The following IL18R1 variants were observed in gnomAD, a reference collection of about 807,000 sequenced individuals.
IL18R1 encodes interleukin-18 receptor 1.
A neutral mutation model predicts 48.5 loss-of-function variants in IL18R1; 40 were observed. The observed-to-expected ratio is 0.82, with a 90% CI of 0.64 to 1.07. The LOEUF is 1.07. Among genes scored for constraint, IL18R1 ranks in the 50% least tolerant of loss-of-function variants. IL18R1 has a pLI of 0.00. For missense variants in IL18R1, 596 were observed against 633.7 expected (o/e 0.94, Z 0.64); for synonymous variants, 232 against 225.9 (o/e 1.03, Z -0.24).
intron 4 of IL18R1, among the ~76,000 whole-genome samples, chr2:102,375,326 A>T (rs3771164): frequency 0.21 from 32,323 of 151,912 alleles, 3,824 homozygotes; most frequent in African/African-American, 0.31. Context: ...AATGTGTGTG[A>T]GAGAGAGAGA....
chr2:102,361,652 C>T (rs1490204808), intron 1 of IL18R1, among the ~76,000 whole-genome samples: 1 of 152,182 alleles, frequency 6.6e-6, no homozygotes, highest in Non-Finnish European at 1.5e-5. Flanking sequence ...TTTTGCACAG[C>T]TTGTCAGGAC....
intron 6 of IL18R1, among the ~76,000 whole-genome samples, chr2:102,383,222 C>A (rs1447749977): frequency 1.3e-5 from 2 of 152,178 alleles, no homozygotes; most frequent in Non-Finnish European, 2.9e-5. Context: ...GTATATCTTG[C>A]TGAATGTTCC....
At position 102,384,868 on chromosome 2, in the gene IL18R1, C is replaced by A. The variant is rs1033531106; in HGVS notation, c.689-10C>A. On this transcript the variant is annotated splice_polypyrimidine_tract_variant and intron_variant, in intron 6 of 10. Transcript: ENST00000233957. ...CAAAAATCAGAACTTTAGTTGCCAA[C>A]TTTTACCAGGAAAAAACGTAAGGCT... 11 of 1,606,142 alleles carry A rather than the reference C, an allele frequency of 6.8e-6. No individual in the cohort carries two copies. The highest frequency in any genetic ancestry group is 8.5e-6 in the Non-Finnish European group (10 of 1,176,960).
intron 5 of IL18R1, among the ~76,000 whole-genome samples, chr2:102,381,391 G>T (rs568639285): frequency 5.1e-4 from 78 of 152,296 alleles, no homozygotes; most frequent in African/African-American, 1.9e-3. Flanking sequence ...ATCTTCCTCT[G>T]CCTTTTAGTT....
In IL18R1 at chr2:102,394,449, G is replaced by A; in HGVS notation, c.1112-20G>A. The A allele has an allele frequency of 6.3e-7, 1 of 1,578,472 alleles. No homozygotes were observed. The highest frequency in any genetic ancestry group is 1.1e-5 in the South Asian group (1 of 87,862). ...AATTTTATTTACACATGAATTAAAA[G>A]AGCCAATCTTACCTCCTAGATGGAA... On this transcript the variant is annotated intron_variant, in intron 9 of 10. Coordinates refer to ENST00000233957, the MANE Select transcript of IL18R1 (RefSeq NM_003855.5).
chr2:102,384,786 CT>C, intron 6 of IL18R1, 91 bp from the exon 7 acceptor site: 1 of 1,438,786 alleles, frequency 7.0e-7, no homozygotes, highest in South Asian at 1.3e-5. Context: ...CCACGTTTTG[CT>C]TTAGGTTAAC....
At chr2:102,360,539 A>G (rs1208273367) in intron 1 of IL18R1, among the ~76,000 whole-genome samples, 1 of 152,218 alleles carries the variant, frequency 6.6e-6, no homozygotes, top group African/African-American at 2.4e-5. Flanking sequence ...CTGGGATTAC[A>G]GGCATGAGCC....
At position 102,381,427 on chromosome 2, in the gene IL18R1, AGT is replaced by A. The variant is rs554926383; in HGVS notation, c.626-191_626-190del. On this transcript the variant is annotated intron_variant, in intron 5 of 10. Coordinates refer to ENST00000233957, the MANE Select transcript of IL18R1 (RefSeq NM_003855.5). ...GAATTGAGCAGAAGCTGCAGATCTG[AGT>A]GAGAGAAAACCAGATACAAGGTGCT... Among the ~76,000 whole-genome samples the A allele has an allele frequency of 2.1e-4, 32 of 152,288 alleles. No homozygotes were observed. In the South Asian group the frequency reaches 6.6e-3, roughly 32 times the overall value.
At chr2:102,358,633 CTGTA>C (rs1376694196) in intron 1 of IL18R1, among the ~76,000 whole-genome samples, 2 of 152,170 alleles carry the variant, frequency 1.3e-5, no homozygotes, top group Non-Finnish European at 2.9e-5. Context: ...CTCTTCCTGA[CTGTA>C]TGTTAGAGTC....
intron 2 of IL18R1, among the ~76,000 whole-genome samples, chr2:102,363,759 C>A (rs1678725396): frequency 6.6e-6 from 1 of 152,206 alleles, no homozygotes; most frequent in Admixed American, 6.5e-5. Context: ...GGAGACATGA[C>A]AATGTTCTAC....
At chr2:102,385,592 C>T (rs1055072624) in intron 7 of IL18R1, among the ~76,000 whole-genome samples, 13 of 152,130 alleles carry the variant, frequency 8.5e-5, no homozygotes, top group Non-Finnish European at 1.6e-4. Flanking sequence ...AGTTGTCTAC[C>T]ACCTTTGCTG....
In IL18R1 at chr2:102,372,046, T is replaced by C; in HGVS notation, c.396T>C (p.Val132=). ...ERQVTSKIVE[V]KKFFQITCEN... ...AAGTAACTAGTAAAATTGTGGAAGT[T>C]AAAAAATTTTTTCAGATAACCTGTG... The change falls in exon 4 of 11, where the codon GTT becomes GTC. Residue 132 remains valine, a synonymous_variant. Transcript: ENST00000233957. 6.2e-7 allele frequency: 1 copy of C among 1,608,860 alleles called. No individual in the cohort carries two copies. Among genetic ancestry groups the C allele is most frequent in the South Asian group, 1.1e-5 (1 of 89,790 alleles).
At chr2:102,392,291 G>A (rs1680599260) in intron 9 of IL18R1, among the ~76,000 whole-genome samples, 1 of 152,130 alleles carries the variant, frequency 6.6e-6, no homozygotes, top group Non-Finnish European at 1.5e-5. Flanking sequence ...TGTAACAAAC[G>A]GGGAAATCTG....
intron 6 of IL18R1, 54 bp downstream of exon 6, chr2:102,381,736 C>T (rs376803593): frequency 2.6e-6 from 3 of 1,143,486 alleles, no homozygotes; most frequent in East Asian, 2.4e-5. Context: ...CATAATAGAG[C>T]CTTCCAAGCG....
At chr2:102,383,273 TTTA>T (rs1680020962) in intron 6 of IL18R1, among the ~76,000 whole-genome samples, 1 of 152,216 alleles carries the variant, frequency 6.6e-6, no homozygotes, top group Non-Finnish European at 1.5e-5. Context: ...AGGTTTTTGT[TTTA>T]TTATTCTTTA....
intron 8 of IL18R1, among the ~76,000 whole-genome samples, chr2:102,387,203 C>T (rs1680283624): frequency 6.6e-6 from 1 of 152,174 alleles, no homozygotes; most frequent in Non-Finnish European, 1.5e-5. Flanking sequence ...CATTCACCTG[C>T]TCTCACAGTC....
At chr2:102,364,708 T>C (rs1050597236) in intron 2 of IL18R1, among the ~76,000 whole-genome samples, 1 of 152,210 alleles carries the variant, frequency 6.6e-6, no homozygotes, top group Non-Finnish European at 1.5e-5. Context: ...AATAAAGGCA[T>C]ACTTGAGACT....
intron 5 of IL18R1, among the ~76,000 whole-genome samples, chr2:102,381,260 G>T (rs7556917): frequency 0.53 from 80,997 of 151,756 alleles, 23,437 homozygotes; most frequent in African/African-American, 0.73. Context: ...TCCATCACTG[G>T]CCAGCTGAGG....
intron 2 of IL18R1, among the ~76,000 whole-genome samples, chr2:102,367,214 G>T (rs1678957562): frequency 6.6e-6 from 1 of 152,128 alleles, no homozygotes; most frequent in Non-Finnish European, 1.5e-5. Flanking sequence ...TGCAAATTTG[G>T]ATTGATATTA....
Sources: gnomAD v4.1 joint callset for allele counts (sites outside exome capture counted in the v4.1 genomes callset) on GRCh38, gnomAD v4.1.1 for gene constraint, MANE v1.5 for transcripts, NCBI Gene and HGNC (gene_info 2026-07-23, HGNC 2026-07-21) for gene names.